Variants in GKAP1 observed in about 807,000 individuals in gnomAD.
The protein encoded by GKAP1 is G kinase anchoring protein 1, also known as G kinase-anchoring protein 1.
GKAP1 carries 31 observed loss-of-function variants against 56.7 expected under a neutral mutation model. The observed-to-expected ratio is 0.55, with a 90% CI of 0.41 to 0.74. The LOEUF is 0.74. Ranked by LOEUF, GKAP1 falls within the 30% of genes least tolerant of loss-of-function variation. GKAP1 has a pLI of 0.00. For missense variants in GKAP1, 364 were observed against 402.3 expected (o/e 0.90, Z 0.82); for synonymous variants, 151 against 138.6 (o/e 1.09, Z -0.63).
intron 2 of GKAP1, among the ~76,000 whole-genome samples, chr9:83,808,783 T>C (rs1944471791): frequency 6.6e-6 from 1 of 152,204 alleles, no homozygotes. Flanking sequence ...ATACTATACA[T>C]CACTTCTCTG....
intron 5 of GKAP1, among the ~76,000 whole-genome samples, chr9:83,785,167 T>C (rs1229616049): frequency 6.6e-6 from 1 of 152,168 alleles, no homozygotes; most frequent in Non-Finnish European, 1.5e-5. Context: ...TCTGCTGGTC[T>C]CTGATACTAA....
At chr9:83,765,458 C>A (rs1262789228) in intron 8 of GKAP1, among the ~76,000 whole-genome samples, 1 of 152,192 alleles carries the variant, frequency 6.6e-6, no homozygotes, top group African/African-American at 2.4e-5. Flanking sequence ...CCTAGCAGAG[C>A]TATGAGAAGG....
At chr9:83,803,585 C>T (rs1377114654) in intron 3 of GKAP1, among the ~76,000 whole-genome samples, 2 of 152,198 alleles carry the variant, frequency 1.3e-5, no homozygotes, top group East Asian at 3.9e-4. Flanking sequence ...AGTGCAGTGG[C>T]GTGATCTCAG....
chr9:83,761,451 G>A (rs965664735), intron 8 of GKAP1, among the ~76,000 whole-genome samples: 1 of 152,012 alleles, frequency 6.6e-6, no homozygotes, highest in Non-Finnish European at 1.5e-5. Flanking sequence ...GAAAAGCCCA[G>A]GATCCAATGG....
intron 11 of GKAP1, 29 bp from the exon 12 acceptor site, chr9:83,742,058 A>G: frequency 6.7e-7 from 1 of 1,488,806 alleles, no homozygotes; most frequent in Non-Finnish European, 9.2e-7. Flanking sequence ...TAAGAAAAAG[A>G]ATTTTTGGGG....
At chr9:83,765,194 C>G (rs898235069) in intron 8 of GKAP1, among the ~76,000 whole-genome samples, 2 of 152,234 alleles carry the variant, frequency 1.3e-5, no homozygotes, top group African/African-American at 4.8e-5. Flanking sequence ...ACAGCTCAGA[C>G]TTTTGCTTCA....
At chr9:83,777,137 C>T (rs1943877360) in intron 7 of GKAP1, among the ~76,000 whole-genome samples, 1 of 152,198 alleles carries the variant, frequency 6.6e-6, no homozygotes, top group South Asian at 2.1e-4. Context: ...AATATCTCCC[C>T]CACTGCCACC....
At chr9:83,780,554 A>G in intron 6 of GKAP1, 150 bp from the exon 7 acceptor site, 1 of 496,068 alleles carries the variant, frequency 2.0e-6, no homozygotes. Context: ...TAGGATTCTC[A>G]TCTGATTTAC....
chr9:83,791,516 A>G (rs1243471069), intron 4 of GKAP1, among the ~76,000 whole-genome samples: 1 of 152,256 alleles, frequency 6.6e-6, no homozygotes, highest in Admixed American at 6.5e-5. Flanking sequence ...AATTGTTAAC[A>G]CAAACTAGTA....
At chr9:83,749,563 T>C (rs1310946486) in intron 9 of GKAP1, among the ~76,000 whole-genome samples, 2 of 152,022 alleles carry the variant, frequency 1.3e-5, no homozygotes, top group Non-Finnish European at 2.9e-5. Context: ...CATTAATACA[T>C]TAGAGAAAAC....
At chr9:83,757,993 A>G (rs1943505159) in intron 8 of GKAP1, among the ~76,000 whole-genome samples, 1 of 152,192 alleles carries the variant, frequency 6.6e-6, no homozygotes, top group South Asian at 2.1e-4. Flanking sequence ...CCATCAAACA[A>G]CAGGATGGAA....
chr9:83,797,469 A>AG (rs2131309818), intron 4 of GKAP1, among the ~76,000 whole-genome samples: 1 of 152,310 alleles, frequency 6.6e-6, no homozygotes, highest in South Asian at 2.1e-4. Flanking sequence ...ATCAGTTGCA[A>AG]GGCTTGCCCT....
intron 8 of GKAP1, among the ~76,000 whole-genome samples, chr9:83,755,544 G>C (rs1943460006): frequency 6.6e-6 from 1 of 151,510 alleles, no homozygotes. Context: ...TGTATTTTTA[G>C]AAATCTTGAT....
intron 9 of GKAP1, among the ~76,000 whole-genome samples, chr9:83,749,959 C>T (rs1036869096): frequency 2.0e-5 from 3 of 152,106 alleles, no homozygotes; most frequent in African/African-American, 7.2e-5. Flanking sequence ...ACTATATTCG[C>T]TATGAATATA....
At chr9:83,814,799 G>A (rs928678134) in intron 2 of GKAP1, among the ~76,000 whole-genome samples, 3 of 152,234 alleles carry the variant, frequency 2.0e-5, no homozygotes, top group Non-Finnish European at 4.4e-5. Flanking sequence ...GTTCAAAGTT[G>A]TTTCATTACG....
intron 8 of GKAP1, among the ~76,000 whole-genome samples, chr9:83,765,136 G>A (rs924071884): frequency 6.6e-6 from 1 of 152,198 alleles, no homozygotes; most frequent in African/African-American, 2.4e-5. Context: ...GGGACTTGGT[G>A]CCCTGTGTCC....
At chr9:83,752,869 G>A (rs767865183) in intron 9 of GKAP1, among the ~76,000 whole-genome samples, 5 of 151,998 alleles carry the variant, frequency 3.3e-5, no homozygotes, top group African/African-American at 4.8e-5. Flanking sequence ...CCAGGAGTTC[G>A]TGACCAGCCT....
intron 7 of GKAP1, among the ~76,000 whole-genome samples, chr9:83,777,215 C>T (rs1209679367): frequency 1.3e-5 from 2 of 152,164 alleles, no homozygotes; most frequent in East Asian, 3.8e-4. Context: ...ATATTGAAGA[C>T]TGGATCATTT....
chr9:83,741,633 T>A (rs1411230334), intron 12 of GKAP1, among the ~76,000 whole-genome samples: 1 of 152,116 alleles, frequency 6.6e-6, no homozygotes, highest in Admixed American at 6.5e-5. Context: ...CTAGGAGATA[T>A]CACTGTATCC....
Sources: gnomAD v4.1 joint callset for allele counts (sites outside exome capture counted in the v4.1 genomes callset) on GRCh38, gnomAD v4.1.1 for gene constraint, MANE v1.5 for transcripts, NCBI Gene and HGNC (gene_info 2026-07-23, HGNC 2026-07-21) for gene names.